Variants in CNTN3 observed in about 807,000 individuals in gnomAD.
CNTN3 encodes the protein contactin-3.
In CNTN3, 60 loss-of-function variants were observed where a neutral mutation model predicts 119.1. That is an observed-to-expected ratio of 0.50 (90% confidence interval 0.41 to 0.62). CNTN3 has a LOEUF of 0.62. Among genes scored for constraint, CNTN3 ranks in the 20% least tolerant of loss-of-function variants. The pLI is 0.00. For missense variants in CNTN3, 1,101 were observed against 1,242.4 expected (o/e 0.89, Z 1.71); for synonymous variants, 450 against 438.7 (o/e 1.03, Z -0.32).
In CNTN3 at chr3:74,311,625, A is replaced by G. The variant is rs144919804; in HGVS notation, c.1669-8818T>C. 2.9e-3 allele frequency among the ~76,000 whole-genome samples: 448 copies of G among 152,310 alleles called. 3 individuals are homozygous for G. The highest frequency in any genetic ancestry group is 0.01 in the African/African-American group (425 of 41,578). ...TTTCTTTCTGAAATTAGAGCAAACC[A>G]TCTAAGTCAGCATGAACAGTTCCAT... On this transcript the variant is annotated intron_variant, in intron 13 of 22. Coordinates refer to ENST00000263665, the MANE Select transcript of CNTN3 (RefSeq NM_020872.3).
At chr3:74,367,759 G>A (rs1291765699) in intron 8 of CNTN3, among the ~76,000 whole-genome samples, 2 of 152,090 alleles carry the variant, frequency 1.3e-5, no homozygotes, top group Non-Finnish European at 2.9e-5. Flanking sequence ...ATCATATGAA[G>A]CATACAATTG....
chr3:74,478,366 C>G (rs1316403887), intron 4 of CNTN3, among the ~76,000 whole-genome samples: 1 of 152,168 alleles, frequency 6.6e-6, no homozygotes, highest in East Asian at 1.9e-4. Flanking sequence ...TGCCCTCCCC[C>G]ACACTAGAAG....
chr3:74,273,856 G>A (rs1701829362), intron 20 of CNTN3, among the ~76,000 whole-genome samples: 1 of 152,152 alleles, frequency 6.6e-6, no homozygotes, highest in South Asian at 2.1e-4. Context: ...GACTTTATAG[G>A]TGGAGGAAGA....
intron 20 of CNTN3, among the ~76,000 whole-genome samples, chr3:74,271,899 T>C (rs1478648026): frequency 1.3e-5 from 2 of 152,216 alleles, no homozygotes; most frequent in Non-Finnish European, 2.9e-5. Flanking sequence ...ACACAATGTT[T>C]TAAAACACAA....
intron 4 of CNTN3, among the ~76,000 whole-genome samples, chr3:74,445,350 C>T (rs1702031939): frequency 6.6e-6 from 1 of 152,062 alleles, no homozygotes; most frequent in African/African-American, 2.4e-5. Context: ...GCAACCTCCA[C>T]CTCCCAGGAT....
In CNTN3 at chr3:74,369,925, C is replaced by T. The variant is rs150505018; in HGVS notation, c.725G>A (p.Gly242Asp). 2.2e-4 allele frequency: 348 copies of T among 1,608,752 alleles called. No homozygotes were observed. In the Middle Eastern group the frequency reaches 2.3e-3, roughly 11 times the overall value. ...QFPETLPAAK[G>D]STVKLECFAL... ...AAAACATTCCAATTTCACAGTCGAACCTTTAGCTGCTGGAAGAGTTTCTGG... is the reference window on the plus strand; with the variant it reads ...AAAACATTCCAATTTCACAGTCGAATCTTTAGCTGCTGGAAGAGTTTCTGG... Residue 242 changes from glycine (G) to aspartate (D), a missense_variant, in exon 7 of 23, where the codon GGT (glycine) becomes GAT (aspartate). Physicochemically the swap from Gly to Asp is moderately conservative, Grantham distance 94. Transcript: ENST00000263665.
chr3:74,296,675 C>T lies in CNTN3; in HGVS notation c.2401+1282G>A, dbSNP rs1012070414. Among the ~76,000 whole-genome samples the T allele has an allele frequency of 3.3e-5, 5 of 152,282 alleles. No individual in the cohort carries two copies. The South Asian group carries it at 1.0e-3, about 32-fold the overall frequency. ...TTCGTGAGCTCAGAATGGTTAAGGG[C>T]AAAGGCCCTTGGTTAAAATACTGGC... On this transcript the variant is annotated intron_variant, in intron 18 of 22. Coordinates refer to ENST00000263665, the MANE Select transcript of CNTN3 (RefSeq NM_020872.3).
intron 20 of CNTN3, among the ~76,000 whole-genome samples, chr3:74,273,678 C>T (rs930226484): frequency 2.0e-5 from 3 of 152,112 alleles, no homozygotes; most frequent in South Asian, 2.1e-4. Flanking sequence ...CGCTGGGTCC[C>T]CAAGCAGGCC....
At chr3:74,472,953 T>C (rs373468068) in intron 4 of CNTN3, among the ~76,000 whole-genome samples, 3 of 152,168 alleles carry the variant, frequency 2.0e-5, no homozygotes, top group East Asian at 3.8e-4. Flanking sequence ...TTTTCAGATA[T>C]AGCCAGCCAC....
At chr3:74,580,975 T>G (rs1704495803) in intron 1 of CNTN3, among the ~76,000 whole-genome samples, 1 of 152,106 alleles carries the variant, frequency 6.6e-6, no homozygotes, top group East Asian at 1.9e-4. Flanking sequence ...CACCTCAACC[T>G]CCCAAAGTGC....
intron 1 of CNTN3, among the ~76,000 whole-genome samples, chr3:74,581,348 T>C (rs770819866): frequency 1.3e-5 from 2 of 151,620 alleles, no homozygotes; most frequent in Non-Finnish European, 2.9e-5. Context: ...AATGAAAAAA[T>C]AGAAAATAAA....
chr3:74,584,870 C>T (rs1704568858), intron 1 of CNTN3, among the ~76,000 whole-genome samples: 1 of 152,048 alleles, frequency 6.6e-6, no homozygotes, highest in Non-Finnish European at 1.5e-5. Context: ...GCCAGGATTT[C>T]GATCTTATCA....
At chr3:74,320,909 C>T (rs1215738701) in intron 13 of CNTN3, among the ~76,000 whole-genome samples, 4 of 151,128 alleles carry the variant, frequency 2.6e-5, no homozygotes, top group Admixed American at 2.6e-4. Context: ...GGGCACAGTG[C>T]TTGAAATTCA....
chr3:74,488,745 G>T (rs1323391828), intron 3 of CNTN3, among the ~76,000 whole-genome samples: 1 of 152,104 alleles, frequency 6.6e-6, no homozygotes, highest in Non-Finnish European at 1.5e-5. Flanking sequence ...TTTTTAATAA[G>T]AAGACCCAAA....
At chr3:74,463,645 A>T (rs1702410446) in intron 4 of CNTN3, among the ~76,000 whole-genome samples, 1 of 152,130 alleles carries the variant, frequency 6.6e-6, no homozygotes, top group Admixed American at 6.6e-5. Flanking sequence ...TTCCAGTTTA[A>T]CACTGTTCTA....
intron 1 of CNTN3, among the ~76,000 whole-genome samples, chr3:74,607,946 G>A (rs1705020244): frequency 6.6e-6 from 1 of 152,164 alleles, no homozygotes; most frequent in South Asian, 2.1e-4. Context: ...AATAAGGTCT[G>A]CAATCTAGTT....
intron 2 of CNTN3, among the ~76,000 whole-genome samples, chr3:74,517,789 A>G (rs183788957): frequency 6.6e-6 from 1 of 151,790 alleles, no homozygotes; most frequent in East Asian, 2.0e-4. Flanking sequence ...TTAATTCTCC[A>G]TACTTCATCC....
chr3:74,372,747 G>T (rs1452198169), intron 5 of CNTN3, among the ~76,000 whole-genome samples: 1 of 152,080 alleles, frequency 6.6e-6, no homozygotes, highest in African/African-American at 2.4e-5. Flanking sequence ...TAAGGAGAAG[G>T]GTTAGATGAG....
At chr3:74,566,468 A>G (rs775193759) in intron 1 of CNTN3, among the ~76,000 whole-genome samples, 2 of 152,136 alleles carry the variant, frequency 1.3e-5, no homozygotes, top group Non-Finnish European at 2.9e-5. Context: ...ACTCCCTCCA[A>G]AGGCAATAAG....
Sources: gnomAD v4.1 joint callset for allele counts (sites outside exome capture counted in the v4.1 genomes callset) on GRCh38, gnomAD v4.1.1 for gene constraint, MANE v1.5 for transcripts, NCBI Gene and HGNC (gene_info 2026-07-23, HGNC 2026-07-21) for gene names.